MEGF10: variants seen among roughly 807,000 people sequenced by gnomAD.
MEGF10 encodes the protein multiple epidermal growth factor-like domains protein 10.
MEGF10 carries 86 observed loss-of-function variants against 147.5 expected under a neutral mutation model. That is an observed-to-expected ratio of 0.58 (90% confidence interval 0.49 to 0.70). The LOEUF is 0.70. Ranked by LOEUF, MEGF10 falls within the 30% of genes least tolerant of loss-of-function variation. The pLI is 0.00. For synonymous variants in MEGF10, 478 were observed against 525.5 expected, an observed-to-expected ratio of 0.91 and a Z score of 1.24; for missense variants, 1,329 against 1,487.3, an observed-to-expected ratio of 0.89 and a Z score of 1.75.
chr5:127,422,724 G>T lies in MEGF10; in HGVS notation c.1645G>T (p.Gly549Cys). The change falls in exon 13 of 25, where the codon GGC becomes TGC. Residue 549 changes from glycine to cysteine, a missense_variant. By Grantham distance (159) the Gly-to-Cys change is radical (BLOSUM62 -3). Around this residue, in one of 3 missense-constraint regions of MEGF10, gnomAD observed 980 missense variants for 1,085.9 expected, o/e 0.90. Coordinates refer to ENST00000503335, the MANE Select transcript of MEGF10 (RefSeq NM_001256545.2). ...GCGCTGCGACTGCAGCCACGCAGAT[G>T]GCTGCCACCCTACCACGGGCCATTG... The part of the protein sequence containing the change: ...AERCDCSHAD[G>C]CHPTTGHCRC... 6.2e-7 allele frequency: 1 copy of T among 1,614,114 alleles called. No homozygotes were observed. Among genetic ancestry groups the T allele is most frequent in the Non-Finnish European group, 8.5e-7 (1 of 1,180,008 alleles).
intron 1 of MEGF10, among the ~76,000 whole-genome samples, chr5:127,303,748 G>T (rs1759884102): frequency 6.6e-6 from 1 of 152,218 alleles, no homozygotes; most frequent in Non-Finnish European, 1.5e-5. Flanking sequence ...TTAGAATGTA[G>T]TGGGGTATGG....
At chr5:127,333,429 T>G (rs890753140) in intron 2 of MEGF10, among the ~76,000 whole-genome samples, 7 of 151,834 alleles carry the variant, frequency 4.6e-5, no homozygotes, top group African/African-American at 1.7e-4. Context: ...CAAGAATCAC[T>G]TGAACTCAGG....
At chr5:127,279,567 A>G in the MEGF10 span, among the ~76,000 whole-genome samples, 1 of 152,200 alleles carries the variant, frequency 6.6e-6, no homozygotes, top group African/African-American at 2.4e-5. Context: ...TCCCAACAGC[A>G]TATGAAAACA....
chr5:127,409,855 T>C (rs903303461), intron 8 of MEGF10: 7 of 157,538 alleles, frequency 4.4e-5, no homozygotes, highest in Non-Finnish European at 8.5e-5. Context: ...AAGAACTTTC[T>C]AACTGAGGAG....
At chr5:127,399,557 C>CT (rs1179789517) in intron 7 of MEGF10, among the ~76,000 whole-genome samples, 5 of 152,292 alleles carry the variant, frequency 3.3e-5, no homozygotes, top group East Asian at 1.9e-4. Flanking sequence ...GAGCAATTGA[C>CT]TTTTTTATCA....
intron 1 of MEGF10, among the ~76,000 whole-genome samples, chr5:127,327,875 TG>T (rs1308986980): frequency 1.3e-5 from 2 of 152,080 alleles, no homozygotes; most frequent in African/African-American, 2.4e-5. Flanking sequence ...CCAGCATGCC[TG>T]GCTAATTTCT....
At chr5:127,400,455 A>C (rs1005011792) in intron 7 of MEGF10, among the ~76,000 whole-genome samples, 2 of 152,168 alleles carry the variant, frequency 1.3e-5, no homozygotes, top group East Asian at 1.9e-4. Flanking sequence ...TAAAACTAAC[A>C]CTTCTCTCTT....
chr5:127,397,019 T>TA (rs1268580744), intron 6 of MEGF10, among the ~76,000 whole-genome samples: 3 of 152,192 alleles, frequency 2.0e-5, no homozygotes, highest in Admixed American at 2.0e-4. Context: ...GCTTTCCTTC[T>TA]AGCAGGCAAA....
rs200918920 is a variant in MEGF10, at chr5:127,378,302, TA to T, written c.412+8302del. ...CGCCAGTGCTGTGCATGGCAGTATATAATGACAAGTAAATGCTACTTATGAT... is the reference window on the plus strand; with the variant it reads ...CGCCAGTGCTGTGCATGGCAGTATATATGACAAGTAAATGCTACTTATGAT... On this transcript the variant is annotated intron_variant, in intron 5 of 24. Coordinates refer to ENST00000503335, the MANE Select transcript of MEGF10 (RefSeq NM_001256545.2). 9.8e-3 allele frequency among the ~76,000 whole-genome samples: 1,486 copies of T among 152,294 alleles called. 10 individuals are homozygous for T. The highest frequency in any genetic ancestry group is 0.018 in the Admixed American group (277 of 15,298).
chr5:127,379,867 T>G (rs1159745487), intron 5 of MEGF10, among the ~76,000 whole-genome samples: 1 of 152,060 alleles, frequency 6.6e-6, no homozygotes, highest in African/African-American at 2.4e-5. Context: ...CTTTCCAAAG[T>G]GCTGAAATTA....
intron 24 of MEGF10, among the ~76,000 whole-genome samples, chr5:127,456,358 A>C (rs1284124197): frequency 6.6e-6 from 1 of 152,184 alleles, no homozygotes; most frequent in African/African-American, 2.4e-5. Flanking sequence ...TGCAGATACC[A>C]CTTGGGAAAT....
chr5:127,426,394 T>G (rs1765211623), intron 13 of MEGF10, among the ~76,000 whole-genome samples: 1 of 152,236 alleles, frequency 6.6e-6, no homozygotes, highest in South Asian at 2.1e-4. Flanking sequence ...CCAAAAAAAG[T>G]ACCATTTTAT....
At chr5:127,234,077 A>G in the MEGF10 span, among the ~76,000 whole-genome samples, 1 of 152,240 alleles carries the variant, frequency 6.6e-6, no homozygotes, top group Non-Finnish European at 1.5e-5. Flanking sequence ...CTGGAAGCAG[A>G]GTCAGGGCTC....
At chr5:127,335,954 G>T (rs1396146790) in intron 2 of MEGF10, among the ~76,000 whole-genome samples, 1 of 150,720 alleles carries the variant, frequency 6.6e-6, no homozygotes, top group Non-Finnish European at 1.5e-5. Flanking sequence ...AGAAACAACA[G>T]AAAAGAAATT....
intron 13 of MEGF10, among the ~76,000 whole-genome samples, chr5:127,431,944 A>G (rs1488924895): frequency 6.6e-6 from 1 of 152,116 alleles, no homozygotes; most frequent in Non-Finnish European, 1.5e-5. Flanking sequence ...TCAGATTTTC[A>G]AAAGAGATTT....
intron 13 of MEGF10, among the ~76,000 whole-genome samples, chr5:127,432,136 T>C (rs576901682): frequency 1.4e-4 from 21 of 152,278 alleles, no homozygotes; most frequent in African/African-American, 5.1e-4. Flanking sequence ...CTAGACACAA[T>C]GAGGTCTGCA....
At chr5:127,326,081 A>G (rs62373883) in intron 1 of MEGF10, among the ~76,000 whole-genome samples, 7 of 146,810 alleles carry the variant, frequency 4.8e-5, no homozygotes. Context: ...AAGCCTGGCT[A>G]ATTTTTTTTT....
At chr5:127,422,494 AC>A (rs1765050051) in intron 12 of MEGF10, among the ~76,000 whole-genome samples, 175 bp from the exon 13 acceptor site, 1 of 152,192 alleles carries the variant, frequency 6.6e-6, no homozygotes. Flanking sequence ...AGTCTGGGCA[AC>A]AGAGCGAGAC....
At chr5:127,405,226 G>A (rs868575963) in intron 8 of MEGF10, among the ~76,000 whole-genome samples, 2 of 152,014 alleles carry the variant, frequency 1.3e-5, no homozygotes, top group South Asian at 4.1e-4. Flanking sequence ...TGATGTCTTT[G>A]AATTAAGAAT....
Sources: gnomAD v4.1 joint callset for allele counts (sites outside exome capture counted in the v4.1 genomes callset) on GRCh38, gnomAD v4.1.1 for gene constraint, gnomAD v4.1.1 regional missense constraint, MANE v1.5 for transcripts, NCBI Gene and HGNC (gene_info 2026-07-23, HGNC 2026-07-21) for gene names.